Variants in XKR4 observed in about 807,000 individuals in gnomAD.
XKR4 encodes the protein XK-related protein 4.
Under a neutral mutation model 53.9 loss-of-function variants are expected in XKR4, and 12 were observed. That is an observed-to-expected ratio of 0.22 (90% CI 0.14 to 0.36). The LOEUF (loss-of-function observed/expected upper bound fraction) is 0.36. Among genes scored for constraint, XKR4 ranks in the 10% least tolerant of loss-of-function variants. The probability of loss-of-function intolerance (pLI) is 1.00; values close to 1 mark genes in which losing one functional copy is unlikely to be tolerated. For synonymous variants in XKR4, 354 were observed against 362.4 expected (o/e 0.98, Z 0.26); for missense variants, 799 against 859.5 (o/e 0.93, Z 0.88).
At chr8:55,503,954 G>A (rs560237544) in intron 2 of XKR4, among the ~76,000 whole-genome samples, 1 of 151,938 alleles carries the variant, frequency 6.6e-6, no homozygotes, top group Non-Finnish European at 1.5e-5. Flanking sequence ...CATCTATTGA[G>A]ATGATAATGT....
rs1359225671 is a variant in XKR4, at chr8:55,531,229, C to G, written c.*7002C>G. On this transcript the variant is annotated 3_prime_UTR_variant, in exon 3 of 3. Coordinates refer to ENST00000327381, the MANE Select transcript of XKR4 (RefSeq NM_052898.2). ...CTTAGATGGTAGAGCCTACCATGCT[C>G]CTAGGCTATATGGTAGAGCCTATTG... 1.3e-5 allele frequency: 2 copies of G among 152,138 alleles called. No homozygotes were observed. The highest frequency in any genetic ancestry group is 2.9e-5 in the Non-Finnish European group (2 of 68,020). 9.4% of individuals were successfully genotyped at this position (152,138 alleles called of 1,614,324 possible). A position where few individuals can be genotyped will look rare whatever the true frequency, so the allele number is the denominator to read the frequency against.
At position 55,501,555 on chromosome 8, in the gene XKR4, A is replaced by T. The variant is rs528947551; in HGVS notation, c.1007-21726A>T. Among the ~76,000 whole-genome samples the T allele has an allele frequency of 2.5e-3, 376 of 152,190 alleles. 4 individuals carry two copies. Among genetic ancestry groups the T allele is most frequent in the African/African-American group, 8.5e-3 (352 of 41,542 alleles). The stretch of plus-strand genomic sequence containing the variant: ...CCTCATAGAAGTGGAATCATGCCAT[A>T]TTTGTCTTTTTGTGACTGACTTATT... On this transcript the variant is annotated intron_variant, in intron 2 of 2. Transcript: ENST00000327381.
At chr8:55,260,609 G>A (rs988477665) in intron 1 of XKR4, among the ~76,000 whole-genome samples, 1 of 152,164 alleles carries the variant, frequency 6.6e-6, no homozygotes, top group Admixed American at 6.5e-5. Context: ...GCCTGCAAGT[G>A]GGTCTTCCAG....
In XKR4 at chr8:55,182,407, A is replaced by G. The variant is rs1817323439; in HGVS notation, c.806+79113A>G. ...TAAAGATAATACAGATTTTTCTACT[A>G]TATTTTCTTCTAAAAGTTTCATAGT... On this transcript the variant is annotated intron_variant, in intron 1 of 2. Coordinates refer to ENST00000327381, the MANE Select transcript of XKR4 (RefSeq NM_052898.2). Among the ~76,000 whole-genome samples, 6 of 151,944 alleles carry G rather than the reference A, an allele frequency of 3.9e-5. No individual in the cohort carries two copies. In the South Asian group the frequency reaches 1.2e-3, roughly 32 times the overall value.
At position 55,375,331 on chromosome 8, in the gene XKR4, T is replaced by C. The variant is rs148426786; in HGVS notation, c.1006+17454T>C. Among the ~76,000 whole-genome samples the C allele has an allele frequency of 3.3e-5, 5 of 152,314 alleles. No individual in the cohort carries two copies. In the East Asian group the frequency reaches 9.7e-4, roughly 29 times the overall value. ...TGGCCTCCTCCTTGCCTGCCTCCAATGGATAAGGGGAAGAGCGCCCTCAGC... is the reference window on the plus strand; with the variant it reads ...TGGCCTCCTCCTTGCCTGCCTCCAACGGATAAGGGGAAGAGCGCCCTCAGC... On this transcript the variant is annotated intron_variant, in intron 2 of 2. Transcript: ENST00000327381.
intron 1 of XKR4, among the ~76,000 whole-genome samples, chr8:55,344,758 C>T (rs1184404219): frequency 6.6e-6 from 1 of 152,164 alleles, no homozygotes; most frequent in Non-Finnish European, 1.5e-5. Context: ...CCGGACTCAC[C>T]AAGTTGCCCA....
intron 1 of XKR4, among the ~76,000 whole-genome samples, chr8:55,354,401 G>A (rs1803768872): frequency 6.6e-6 from 1 of 152,160 alleles, no homozygotes; most frequent in African/African-American, 2.4e-5. Flanking sequence ...AGAATCTGCT[G>A]GGAATAGATT....
intron 1 of XKR4, among the ~76,000 whole-genome samples, chr8:55,227,563 A>T (rs1006480492): frequency 6.6e-6 from 1 of 152,226 alleles, no homozygotes; most frequent in African/African-American, 2.4e-5. Context: ...AAAGATAATC[A>T]CTGTCTCTTC....
At chr8:55,214,000 T>C (rs1478050229) in intron 1 of XKR4, among the ~76,000 whole-genome samples, 1 of 151,752 alleles carries the variant, frequency 6.6e-6, no homozygotes, top group Non-Finnish European at 1.5e-5. Flanking sequence ...TAGTTGGGAT[T>C]ACAGGCGTGC....
At chr8:55,428,317 A>G (rs1460040675) in intron 2 of XKR4, among the ~76,000 whole-genome samples, 2 of 152,138 alleles carry the variant, frequency 1.3e-5, no homozygotes. Context: ...AGATTTGGGG[A>G]TGACGTCTGG....
chr8:55,314,326 T>C (rs1183687931), intron 1 of XKR4, among the ~76,000 whole-genome samples: 1 of 152,158 alleles, frequency 6.6e-6, no homozygotes, highest in Non-Finnish European at 1.5e-5. Context: ...GCCCCAGGCA[T>C]GCAAGTTCCA....
At chr8:55,194,443 AC>A (rs1817480034) in intron 1 of XKR4, among the ~76,000 whole-genome samples, 1 of 152,040 alleles carries the variant, frequency 6.6e-6, no homozygotes, top group Non-Finnish European at 1.5e-5. Context: ...CTACCCATAT[AC>A]CACGATTGCA....
intron 1 of XKR4, among the ~76,000 whole-genome samples, chr8:55,288,993 G>C (rs1022626515): frequency 6.6e-6 from 1 of 152,122 alleles, no homozygotes; most frequent in Non-Finnish European, 1.5e-5. Flanking sequence ...TGGATCGGCA[G>C]TTTGCTCTAT....
In XKR4 at chr8:55,527,459, A is replaced by G. The variant is rs1023863028; in HGVS notation, c.*3232A>G. ...AACATTGTAATTTGTTTTACTTTTA[A>G]ACTTGCATTTCTAAATATGAAACCA... On this transcript the variant is annotated 3_prime_UTR_variant, in exon 3 of 3. Transcript: ENST00000327381. 1 of 152,190 alleles carries G rather than the reference A, an allele frequency of 6.6e-6. No homozygotes were observed. Among genetic ancestry groups the G allele is most frequent in the African/African-American group, 2.4e-5 (1 of 41,454 alleles). The allele number at this position is 152,190 out of a possible 1,614,324, so 9.4% of individuals were successfully genotyped here. A position where few individuals can be genotyped will look rare whatever the true frequency, so the allele number is the denominator to read the frequency against.
intron 1 of XKR4, chr8:55,164,471 G>T: frequency 2.2e-6 from 1 of 456,104 alleles, no homozygotes; most frequent in Non-Finnish European, 4.4e-6. Flanking sequence ...AGTCTACCTG[G>T]GTATTCTCCA....
intron 1 of XKR4, among the ~76,000 whole-genome samples, chr8:55,211,793 A>G (rs1817735423): frequency 6.6e-6 from 1 of 152,226 alleles, no homozygotes; most frequent in East Asian, 1.9e-4. Context: ...AAAAGAGTTA[A>G]ACTCTGTAAA....
At chr8:55,135,387 A>G (rs1816611401) in intron 1 of XKR4, 1 of 298,402 alleles carries the variant, frequency 3.4e-6, no homozygotes, top group African/African-American at 2.2e-5. Context: ...GCAGATCTTT[A>G]TACATAGTAG....
At position 55,103,265 on chromosome 8, in the gene XKR4, C is replaced by A. The variant is rs544930181; in HGVS notation, c.777C>A (p.Ile259=). ...GCATCTGGCTCCTGCAGTCACTCAT[C>A]CACATCTTGCAGCTCGGGCAAATCT... ...SFCIWLLQSL[I]HILQLGQIWR... is the part of the protein sequence containing the mutation. The change falls in exon 1 of 3, where the codon ATC becomes ATA. Residue 259 remains isoleucine, a synonymous_variant. Transcript: ENST00000327381. 12 of 1,610,206 alleles carry A rather than the reference C, an allele frequency of 7.5e-6. No individual in the cohort carries two copies. The African/African-American group carries it at 1.5e-4, about 20-fold the overall frequency.
intron 1 of XKR4, among the ~76,000 whole-genome samples, chr8:55,328,286 C>T (rs189926440): frequency 7.9e-5 from 12 of 152,292 alleles, no homozygotes; most frequent in Non-Finnish European, 1.5e-4. Context: ...AAGGCCCATA[C>T]ATAATATTAC....
Sources: allele counts gnomAD v4.1 joint callset (sites outside exome capture counted in the v4.1 genomes callset), GRCh38; gene constraint gnomAD v4.1.1; transcripts MANE v1.5; gene names NCBI Gene and HGNC (gene_info 2026-07-23, HGNC 2026-07-21).